The following C16orf74 variants were observed in gnomAD, a reference collection of about 807,000 sequenced individuals.
The protein encoded by C16orf74 is uncharacterized protein C16orf74.
A neutral mutation model predicts 6.5 loss-of-function variants in C16orf74; 10 were observed. The observed-to-expected ratio is 1.54, with a 90% CI of 0.95 to 2.61. C16orf74 has a LOEUF of 2.61. Ranked by LOEUF, C16orf74 falls within the 30% of genes most tolerant of loss-of-function variation. The probability of loss-of-function intolerance (pLI) is 0.00; values close to 1 mark genes in which losing one functional copy is unlikely to be tolerated. For synonymous variants in C16orf74, 60 were observed against 42.5 expected (o/e 1.41, Z -1.60); for missense variants, 141 against 105.9 (o/e 1.33, Z -1.45).
At chr16:85,717,817 T>A (rs2054040045) in intron 2 of C16orf74, among the ~76,000 whole-genome samples, 1 of 152,174 alleles carries the variant, frequency 6.6e-6, no homozygotes, top group South Asian at 2.1e-4. Flanking sequence ...GGCTGGGGCT[T>A]GACGTGGCTC....
At chr16:85,710,328 C>T in intron 2 of C16orf74, 21 bp from the exon 3 acceptor site, 1 of 1,480,272 alleles carries the variant, frequency 6.8e-7, no homozygotes. Flanking sequence ...AGGCGTGGAG[C>T]ACACACGCAC....
intron 2 of C16orf74, among the ~76,000 whole-genome samples, chr16:85,733,531 G>C (rs746529394): frequency 2.0e-5 from 3 of 152,164 alleles, no homozygotes; most frequent in African/African-American, 7.2e-5. Flanking sequence ...TACACTTCAT[G>C]GTTAAAACGG....
chr16:85,747,336 C>T (rs1280804571), intron 1 of C16orf74, among the ~76,000 whole-genome samples: 3 of 152,138 alleles, frequency 2.0e-5, no homozygotes, highest in Non-Finnish European at 2.9e-5. Flanking sequence ...CCTGTGGTCC[C>T]AACTACTTGG....
At chr16:85,745,972 G>C (rs966493835) in intron 1 of C16orf74, among the ~76,000 whole-genome samples, 1 of 152,240 alleles carries the variant, frequency 6.6e-6, no homozygotes, top group African/African-American at 2.4e-5. Flanking sequence ...TGGTCAGAGA[G>C]AGATGGCCAG....
chr16:85,741,271 G>C (rs937597202), intron 1 of C16orf74, among the ~76,000 whole-genome samples: 5 of 152,230 alleles, frequency 3.3e-5, no homozygotes, highest in African/African-American at 9.7e-5. Flanking sequence ...CAAAGGATCT[G>C]TATTATGCCG....
rs2053926668 is a variant in C16orf74, at chr16:85,707,761, C to G, written c.*247G>C. Reference sequence around the variant, plus strand: ...GACCATGGCGCTCCCTTTCACCAGGCCGGAGTCAGCAAGAACCTGGAGGTG... The same window carrying G: ...GACCATGGCGCTCCCTTTCACCAGGGCGGAGTCAGCAAGAACCTGGAGGTG... On this transcript the variant is annotated 3_prime_UTR_variant, in exon 4 of 4. Transcript: ENST00000284245. 2 of 532,976 alleles carry G rather than the reference C, an allele frequency of 3.8e-6. No individual in the cohort carries two copies. The highest frequency in any genetic ancestry group is 6.7e-6 in the Non-Finnish European group (2 of 298,684). The allele number at this position is 532,976 out of a possible 1,614,324, so 33.0% of individuals were successfully genotyped here.
chr16:85,748,931 T>TA (rs201756751), intron 1 of C16orf74, among the ~76,000 whole-genome samples: 15 of 22,680 alleles, frequency 6.6e-4, no homozygotes, highest in East Asian at 6.3e-3. Flanking sequence ...TTTGATTTTT[T>TA]TTTTTTTTTT....
intron 2 of C16orf74, chr16:85,710,627 ACCAGCCCCCACTCTCCACAGCGCT>A (rs1458793230): frequency 9.9e-5 from 30 of 303,944 alleles, no homozygotes; most frequent in Non-Finnish European, 1.5e-4. Flanking sequence ...ATTCCCGGCC[ACCAGCCCCCACTCTCCACAGCGCT>A]CCAGCCTCCA....
intron 3 of C16orf74, among the ~76,000 whole-genome samples, chr16:85,709,495 G>GTTGTTATTA (rs150032889): frequency 1.3e-3 from 194 of 147,418 alleles, no homozygotes; most frequent in African/African-American, 2.0e-3. Flanking sequence ...CATCCCCAAT[G>GTTGTTATTA]TTATTATTAT....
chr16:85,719,879 G>T (rs10153057), intron 2 of C16orf74, among the ~76,000 whole-genome samples: 213 of 141,794 alleles, frequency 1.5e-3, no homozygotes, highest in South Asian at 7.3e-3. Flanking sequence ...GGCAGGAACA[G>T]AGGGGCCACA....
chr16:85,713,707 G>A (rs575711363), intron 2 of C16orf74, among the ~76,000 whole-genome samples: 6 of 152,218 alleles, frequency 3.9e-5, no homozygotes, highest in Non-Finnish European at 7.3e-5. Flanking sequence ...CCCTGGGGGC[G>A]AGGAGGTTGA....
rs919055434 is a variant in C16orf74 at position 85,710,262 on chromosome 16, G to A, written c.74C>T (p.Ala25Val). Residue 25 changes from alanine (A) to valine (V), a missense_variant, in exon 3 of 4, where the codon GCC becomes GTC. Physicochemically the swap from Ala to Val is moderately conservative, Grantham distance 64 (BLOSUM62 0). Transcript: ENST00000284245. ...VSSSSSSHDE[A>V]PVLNDKHLDV... ...CAGGTGCTTGTCGTTCAGGACGGGG[G>A]CCTCGTCGTGGCTGCTGCTGCTGCT... The A allele has an allele frequency of 1.4e-5, 21 of 1,512,752 alleles. No homozygotes were observed. Among genetic ancestry groups the A allele is most frequent in the African/African-American group, 1.2e-4 (8 of 68,768 alleles). 93.7% of individuals were successfully genotyped at this position (1,512,752 alleles called of 1,614,324 possible).
chr16:85,707,812 G>A lies in C16orf74; in HGVS notation c.*196C>T. 1 of 589,534 alleles carries A rather than the reference G, an allele frequency of 1.7e-6. No individual in the cohort carries two copies. Among genetic ancestry groups the A allele is most frequent in the Non-Finnish European group, 3.0e-6 (1 of 331,316 alleles). The allele number at this position is 589,534 out of a possible 1,614,324, so 36.5% of individuals were successfully genotyped here. ...TCAGAGGTCCGGTCCACTCAGCGGG[G>A]CCTGGGAAACACTGTTCTGGAAGTG... On this transcript the variant is annotated 3_prime_UTR_variant, in exon 4 of 4. Transcript: ENST00000284245.
At chr16:85,746,478 C>G (rs2054374517) in intron 1 of C16orf74, among the ~76,000 whole-genome samples, 1 of 152,170 alleles carries the variant, frequency 6.6e-6, no homozygotes, top group African/African-American at 2.4e-5. Context: ...CAGATGGGGA[C>G]CTGGAGAACT....
intron 2 of C16orf74, among the ~76,000 whole-genome samples, chr16:85,716,714 G>A (rs1041782362): frequency 6.6e-6 from 1 of 151,116 alleles, no homozygotes; most frequent in Admixed American, 6.6e-5. Flanking sequence ...GGGAGGGAGA[G>A]GGGAGGGCAG....
intron 3 of C16orf74, 120 bp downstream of exon 3, chr16:85,710,044 G>C (rs867220933): frequency 1.2e-6 from 1 of 823,712 alleles, no homozygotes; most frequent in Non-Finnish European, 1.7e-6. Flanking sequence ...AATGTTTAAC[G>C]AACCCAGTGG....
intron 2 of C16orf74, among the ~76,000 whole-genome samples, chr16:85,712,147 A>C (rs2053976822): frequency 6.6e-6 from 1 of 152,234 alleles, no homozygotes; most frequent in African/African-American, 2.4e-5. Context: ...CAAGGCCTCT[A>C]GCCAACAGCC....
At chr16:85,722,944 C>T (rs977833894) in intron 2 of C16orf74, among the ~76,000 whole-genome samples, 3 of 152,112 alleles carry the variant, frequency 2.0e-5, no homozygotes, top group Admixed American at 6.6e-5. Context: ...GACACGGAGG[C>T]GAAAAGAGGT....
intron 3 of C16orf74, among the ~76,000 whole-genome samples, chr16:85,709,631 A>G (rs1442822627): frequency 1.2e-4 from 18 of 152,172 alleles, no homozygotes; most frequent in Admixed American, 1.2e-3. Flanking sequence ...GGTATCACAG[A>G]GAGGCAGGTA....
Sources: allele counts gnomAD v4.1 joint callset (sites outside exome capture counted in the v4.1 genomes callset), GRCh38; gene constraint gnomAD v4.1.1; transcripts MANE v1.5; gene names NCBI Gene and HGNC (gene_info 2026-07-23, HGNC 2026-07-21).